Variants in RASA1 observed in about 807,000 individuals in gnomAD.
RASA1 encodes the protein ras GTPase-activating protein 1.
RASA1 carries 25 observed loss-of-function variants against 132.2 expected under a neutral mutation model. That is an observed-to-expected ratio of 0.19 (90% CI 0.14 to 0.26). The LOEUF (loss-of-function observed/expected upper bound fraction) is 0.26. Among genes scored for constraint, RASA1 ranks in the 10% least tolerant of loss-of-function variants. The pLI is 1.00. For synonymous variants in RASA1, 477 were observed against 449.9 expected (o/e 1.06, Z -0.76); for missense variants, 964 against 1,299.2 (o/e 0.74, Z 3.97).
At chr5:87,313,908 C>T (rs1016340984) in intron 1 of RASA1, among the ~76,000 whole-genome samples, 10 of 152,182 alleles carry the variant, frequency 6.6e-5, no homozygotes, top group Non-Finnish European at 1.0e-4. Context: ...TGGCTCATGC[C>T]TGCAATCCCA....
chr5:87,289,062 TTA>T (rs1183937569), intron 1 of RASA1, among the ~76,000 whole-genome samples: 3 of 152,172 alleles, frequency 2.0e-5, no homozygotes, highest in African/African-American at 7.2e-5. Flanking sequence ...CATTTAATTG[TTA>T]TGTCTTTTTT....
chr5:87,281,510 C>CT (rs2112246266), intron 1 of RASA1, among the ~76,000 whole-genome samples: 1 of 152,168 alleles, frequency 6.6e-6, no homozygotes, highest in South Asian at 2.1e-4. Flanking sequence ...TGTTGAGCAT[C>CT]TTTTCATGTG....
chr5:87,353,415 G>A (rs766551806), intron 9 of RASA1, among the ~76,000 whole-genome samples, 180 bp downstream of exon 9: 12 of 151,926 alleles, frequency 7.9e-5, no homozygotes, highest in Non-Finnish European at 1.3e-4. Context: ...GTTGATTTTA[G>A]GTAATCAGGA....
intron 17 of RASA1, 36 bp downstream of exon 17, chr5:87,377,076 T>A: frequency 6.3e-7 from 1 of 1,586,686 alleles, no homozygotes; most frequent in Admixed American, 1.7e-5. Flanking sequence ...TACAAGAAAC[T>A]GGGTTTAGAT....
intron 9 of RASA1, among the ~76,000 whole-genome samples, chr5:87,356,509 G>A (rs1759662389): frequency 6.6e-6 from 1 of 151,734 alleles, no homozygotes; most frequent in South Asian, 2.1e-4. Context: ...CCTGCCTCAG[G>A]CTCCCCAGTA....
chr5:87,350,142 G>A (rs1163771142), intron 8 of RASA1, among the ~76,000 whole-genome samples: 2 of 151,786 alleles, frequency 1.3e-5, no homozygotes, highest in East Asian at 1.9e-4. Context: ...TAGAGATTCT[G>A]TAGCTTGTTT....
chr5:87,368,472 T>C (rs1427419868), intron 11 of RASA1, among the ~76,000 whole-genome samples: 3 of 152,212 alleles, frequency 2.0e-5, no homozygotes, highest in South Asian at 4.1e-4. Context: ...GCCTGTAGTG[T>C]CTACTTAGTT....
intron 1 of RASA1, among the ~76,000 whole-genome samples, chr5:87,274,031 C>T (rs1753963319): frequency 6.6e-6 from 1 of 152,314 alleles, no homozygotes; most frequent in African/African-American, 2.4e-5. Flanking sequence ...GTCTCAACTT[C>T]TAGCATCTCT....
At position 87,269,371 on chromosome 5, in the gene RASA1, A is replaced by G. The variant is rs1561245565; in HGVS notation, c.539+381A>G. ...CTTGTGTGTGTTACTTGATAAAGCTAGATGATTAGTGAGAAGCTTTGAATA... is the reference window on the plus strand; with the variant it reads ...CTTGTGTGTGTTACTTGATAAAGCTGGATGATTAGTGAGAAGCTTTGAATA... On this transcript the variant is annotated intron_variant, in intron 1 of 24. Coordinates refer to ENST00000274376, the MANE Select transcript of RASA1 (RefSeq NM_002890.3). The G allele has an allele frequency of 4.8e-6, 7 of 1,458,550 alleles. No individual in the cohort carries two copies. In the Admixed American group the frequency reaches 6.0e-5, roughly 13 times the overall value. 90.4% of individuals were successfully genotyped at this position (1,458,550 alleles called of 1,614,324 possible). A position where few individuals can be genotyped will look rare whatever the true frequency, so the allele number is the denominator to read the frequency against.
intron 1 of RASA1, among the ~76,000 whole-genome samples, chr5:87,288,446 T>C (rs1342394397): frequency 6.6e-6 from 1 of 152,144 alleles, no homozygotes; most frequent in Non-Finnish European, 1.5e-5. Context: ...ATTAAATCAG[T>C]GTGCAATGAA....
At chr5:87,333,109 T>C (rs554282323) in intron 3 of RASA1, among the ~76,000 whole-genome samples, 158 bp from the exon 4 acceptor site, 94 of 152,252 alleles carry the variant, frequency 6.2e-4, no homozygotes, top group African/African-American at 2.1e-3. Context: ...AAAAAGCCTT[T>C]CTAGGCACTG....
intron 5 of RASA1, among the ~76,000 whole-genome samples, chr5:87,340,510 A>T (rs1032691259): frequency 3.3e-5 from 5 of 152,084 alleles, no homozygotes; most frequent in Admixed American, 2.0e-4. Context: ...GTGAGGACCA[A>T]ATTGTGAGAA....
chr5:87,355,138 G>C (rs758007387), intron 9 of RASA1, among the ~76,000 whole-genome samples: 14 of 152,156 alleles, frequency 9.2e-5, no homozygotes, highest in Non-Finnish European at 1.8e-4. Flanking sequence ...TAACTAGCAA[G>C]TTATCCAGAA....
chr5:87,379,686 C>T (rs1761572726), intron 18 of RASA1, 49 bp from the exon 19 acceptor site: 1 of 1,599,764 alleles, frequency 6.3e-7, no homozygotes. Flanking sequence ...TATTCATTTG[C>T]ATTTGTCATT....
At chr5:87,309,003 GT>G (rs1409028914) in intron 1 of RASA1, among the ~76,000 whole-genome samples, 1 of 152,112 alleles carries the variant, frequency 6.6e-6, no homozygotes, top group Admixed American at 6.5e-5. Flanking sequence ...AATAGGCAAT[GT>G]ATATTTTCAC....
Position 87,268,848 on chromosome 5 carries a change from G to A in RASA1, c.397G>A (p.Gly133Ser). ...LLAETLGPGG[G>S]FPPLPPPPYL... ...TGCTGAGACTCTCGGGCCAGGCGGC[G>A]GTTTTCCCCCTCTGCCCCCTCCCCC... The change falls in exon 1 of 25, where the codon GGT becomes AGT. Residue 133 changes from glycine to serine, a missense_variant. Coordinates refer to ENST00000274376, the MANE Select transcript of RASA1 (RefSeq NM_002890.3). The A allele has an allele frequency of 6.2e-7, 1 of 1,614,100 alleles. No individual in the cohort carries two copies. Among genetic ancestry groups the A allele is most frequent in the Non-Finnish European group, 8.5e-7 (1 of 1,180,024 alleles).
At chr5:87,376,266 T>C in intron 15 of RASA1, 127 bp from the exon 16 acceptor site, 1 of 1,056,182 alleles carries the variant, frequency 9.5e-7, no homozygotes, top group Non-Finnish European at 1.4e-6. Flanking sequence ...TTTGTGATGT[T>C]ACTGAAAACT....
chr5:87,372,295 G>A (rs944442614), intron 13 of RASA1, 100 bp downstream of exon 13: 2 of 1,098,524 alleles, frequency 1.8e-6, no homozygotes, highest in Admixed American at 2.0e-5. Context: ...ACATCATATG[G>A]GGTTAAGCCA....
At chr5:87,276,606 A>T (rs1467169027) in intron 1 of RASA1, among the ~76,000 whole-genome samples, 2 of 152,208 alleles carry the variant, frequency 1.3e-5, no homozygotes, top group Non-Finnish European at 2.9e-5. Flanking sequence ...TAGTCTACAG[A>T]TACGTTGTGC....
Sources: allele counts gnomAD v4.1 joint callset (sites outside exome capture counted in the v4.1 genomes callset), GRCh38; gene constraint gnomAD v4.1.1; transcripts MANE v1.5; gene names NCBI Gene and HGNC (gene_info 2026-07-23, HGNC 2026-07-21).